Variants in PLCXD3 observed in about 807,000 individuals in gnomAD.
PLCXD3 encodes PI-PLC X domain-containing protein 3.
In PLCXD3, 19 loss-of-function variants were observed where a neutral mutation model predicts 25.5. That is an observed-to-expected ratio of 0.75 (90% CI 0.52 to 1.09). PLCXD3 has a LOEUF of 1.09. Ranked by LOEUF, PLCXD3 falls within the 50% of genes least tolerant of loss-of-function variation. PLCXD3 has a pLI of 0.00. For synonymous variants in PLCXD3, 174 were observed against 137.6 expected (o/e 1.26, Z -1.85); for missense variants, 411 against 388.1 (o/e 1.06, Z -0.50).
At chr5:41,431,042 G>A (rs533439181) in intron 1 of PLCXD3, among the ~76,000 whole-genome samples, 1 of 152,276 alleles carries the variant, frequency 6.6e-6, no homozygotes, top group South Asian at 2.1e-4. Context: ...ATTCTTTACT[G>A]AGAAACTTAT....
chr5:41,404,126 A>G (rs982879264), intron 1 of PLCXD3, among the ~76,000 whole-genome samples: 1 of 152,150 alleles, frequency 6.6e-6, no homozygotes, highest in Admixed American at 6.6e-5. Context: ...GTGCACTGAA[A>G]GCATCATTGA....
intron 1 of PLCXD3, among the ~76,000 whole-genome samples, chr5:41,483,958 G>A (rs1217494785): frequency 6.6e-6 from 1 of 151,892 alleles, no homozygotes; most frequent in East Asian, 1.9e-4. Context: ...TATTTTTAAA[G>A]GCTCCAAATG....
chr5:41,509,156 T>C (rs2111603239), intron 1 of PLCXD3, among the ~76,000 whole-genome samples: 1 of 152,224 alleles, frequency 6.6e-6, no homozygotes, highest in Admixed American at 6.5e-5. Flanking sequence ...CCTTCTTTTG[T>C]TTTTGTTTTT....
intron 1 of PLCXD3, among the ~76,000 whole-genome samples, chr5:41,474,570 C>T (rs540965830): frequency 5.9e-5 from 9 of 152,280 alleles, no homozygotes; most frequent in African/African-American, 2.2e-4. Flanking sequence ...CACTAAACGC[C>T]ATGGGTTGTG....
At chr5:41,380,594 A>T (rs1022136517) in intron 2 of PLCXD3, among the ~76,000 whole-genome samples, 17 of 152,114 alleles carry the variant, frequency 1.1e-4, no homozygotes, top group African/African-American at 3.9e-4. Flanking sequence ...TCCAAGCTTT[A>T]TCTCCTTTCA....
chr5:41,412,965 T>A lies in PLCXD3; in HGVS notation c.104-30431A>T, dbSNP rs150801754. On this transcript the variant is annotated intron_variant, in intron 1 of 2. Transcript: ENST00000377801. ...TCAAATTTGCATTCTATATTCCTAC[T>A]CATGTTTGGTCTCTTAAGGAAAAAA... Among the ~76,000 whole-genome samples, 882 of 152,330 alleles carry A rather than the reference T, an allele frequency of 5.8e-3. 6 individuals carry two copies. Among genetic ancestry groups the A allele is most frequent in the African/African-American group, 0.02 (830 of 41,570 alleles).
chr5:41,427,146 C>G (rs529835513), intron 1 of PLCXD3, among the ~76,000 whole-genome samples: 1 of 152,164 alleles, frequency 6.6e-6, no homozygotes, highest in African/African-American at 2.4e-5. Flanking sequence ...TATGACAATT[C>G]ATGTTTCTAA....
chr5:41,488,957 T>G (rs1385166287), intron 1 of PLCXD3, among the ~76,000 whole-genome samples: 28 of 152,054 alleles, frequency 1.8e-4, no homozygotes, highest in East Asian at 7.7e-4. Flanking sequence ...GTCAATTTTG[T>G]CTTTTGTTGC....
intron 2 of PLCXD3, among the ~76,000 whole-genome samples, chr5:41,366,170 C>T (rs1561247155): frequency 1.3e-5 from 2 of 151,934 alleles, no homozygotes; most frequent in Admixed American, 1.3e-4. Context: ...TCAATTCCCA[C>T]CTGAGTGAGA....
rs187200768 is a variant in PLCXD3, at chr5:41,376,683, C to A, written c.812+5143G>T. On this transcript the variant is annotated intron_variant, in intron 2 of 2. Transcript: ENST00000377801. Reference sequence around the variant, plus strand: ...AGCCAGCCAAAATCTTTCCAGATATCTCTCTCCTCTAAGTTACCATAGACC... The same window carrying A: ...AGCCAGCCAAAATCTTTCCAGATATATCTCTCCTCTAAGTTACCATAGACC... 2.4e-4 allele frequency among the ~76,000 whole-genome samples: 36 copies of A among 152,250 alleles called. No homozygotes were observed. In the East Asian group the frequency reaches 5.2e-3, roughly 22 times the overall value.
intron 1 of PLCXD3, among the ~76,000 whole-genome samples, chr5:41,454,220 G>A (rs1005977565): frequency 6.6e-6 from 1 of 151,964 alleles, no homozygotes; most frequent in Admixed American, 6.6e-5. Flanking sequence ...ACACTGTAGT[G>A]GAATGGGCCC....
chr5:41,475,526 A>G (rs1027236807), intron 1 of PLCXD3: 5 of 486,900 alleles, frequency 1.0e-5, no homozygotes, highest in Non-Finnish European at 2.1e-5. Flanking sequence ...ATTTGTCTCT[A>G]TCTCTATTTA....
chr5:41,451,642 T>C (rs1747634414), intron 1 of PLCXD3, among the ~76,000 whole-genome samples: 1 of 142,622 alleles, frequency 7.0e-6, no homozygotes. Flanking sequence ...TTCCTCTCTC[T>C]TTTTTTTTTT....
chr5:41,344,095 G>A (rs1161199616), intron 2 of PLCXD3, among the ~76,000 whole-genome samples: 1 of 152,068 alleles, frequency 6.6e-6, no homozygotes, highest in Non-Finnish European at 1.5e-5. Flanking sequence ...GAATTAATGG[G>A]CATGTTTTAA....
At chr5:41,416,049 A>C (rs549111432) in intron 1 of PLCXD3, among the ~76,000 whole-genome samples, 1 of 152,204 alleles carries the variant, frequency 6.6e-6, no homozygotes, top group Non-Finnish European at 1.5e-5. Flanking sequence ...ATCTTCAGTA[A>C]GGAAACTCAG....
chr5:41,412,156 C>T (rs549048649), intron 1 of PLCXD3, among the ~76,000 whole-genome samples: 6 of 151,986 alleles, frequency 3.9e-5, no homozygotes, highest in Non-Finnish European at 7.4e-5. Context: ...GGATTCAAAT[C>T]GTGGTCAAAT....
At position 41,309,406 on chromosome 5, in the gene PLCXD3, G is replaced by A. The variant is rs1397759422; in HGVS notation, c.*4211C>T. On this transcript the variant is annotated 3_prime_UTR_variant, in exon 3 of 3. Transcript: ENST00000377801. The stretch of plus-strand genomic sequence containing the variant: ...GAAATCTAGCTGAAAAGACTAAAGT[G>A]CTGTAAAATAAAATGCTCTTAAAAA... 1.3e-5 allele frequency: 2 copies of A among 152,630 alleles called. No homozygotes were observed. Among genetic ancestry groups the A allele is most frequent in the African/African-American group, 2.4e-5 (1 of 41,540 alleles). The allele number at this position is 152,630 out of a possible 1,614,324, so 9.5% of individuals were successfully genotyped here.
chr5:41,340,930 A>C (rs898835305), intron 2 of PLCXD3, among the ~76,000 whole-genome samples: 4 of 152,178 alleles, frequency 2.6e-5, no homozygotes, highest in Non-Finnish European at 5.9e-5. Context: ...ATTGAGTTAC[A>C]TTTTAGGAGA....
intron 1 of PLCXD3, among the ~76,000 whole-genome samples, chr5:41,491,270 A>T (rs1053309970): frequency 6.6e-6 from 1 of 152,128 alleles, no homozygotes; most frequent in African/African-American, 2.4e-5. Context: ...ATCCTGAGTT[A>T]TAGTTTGATT....
Sources: allele counts gnomAD v4.1 joint callset (sites outside exome capture counted in the v4.1 genomes callset), GRCh38; gene constraint gnomAD v4.1.1; transcripts MANE v1.5; gene names NCBI Gene and HGNC (gene_info 2026-07-23, HGNC 2026-07-21).